The following ACTL8 variants were observed in gnomAD, a reference collection of about 807,000 sequenced individuals.
ACTL8 encodes actin like 8.
A neutral mutation model predicts 9.3 loss-of-function variants in ACTL8; 3 were observed. That is an observed-to-expected ratio of 0.32 (90% CI 0.15 to 0.83). The LOEUF (loss-of-function observed/expected upper bound fraction) is 0.83, where lower values mean the gene tolerates loss of function less well. Among genes scored for constraint, ACTL8 ranks in the 40% least tolerant of loss-of-function variants. The probability of loss-of-function intolerance (pLI) is 0.57; values close to 1 mark genes in which losing one functional copy is unlikely to be tolerated. For missense variants in ACTL8, 381 were observed against 492.2 expected (o/e 0.77, Z 2.14); for synonymous variants, 224 against 205.9 (o/e 1.09, Z -0.75).
intron 1 of ACTL8, among the ~76,000 whole-genome samples, chr1:17,795,810 G>A (rs1215610384): frequency 6.6e-6 from 1 of 152,194 alleles, no homozygotes; most frequent in African/African-American, 2.4e-5. Context: ...AGTTCGAGGT[G>A]GTGAGTGCAA....
chr1:17,779,828 G>A (rs2066142804), intron 1 of ACTL8, among the ~76,000 whole-genome samples: 1 of 152,196 alleles, frequency 6.6e-6, no homozygotes, highest in African/African-American at 2.4e-5. Flanking sequence ...CCTACCTGGA[G>A]TGGGTCTTCC....
At chr1:17,787,284 T>C (rs2066204593) in intron 1 of ACTL8, among the ~76,000 whole-genome samples, 1 of 152,012 alleles carries the variant, frequency 6.6e-6, no homozygotes, top group Admixed American at 6.6e-5. Flanking sequence ...TCTTTTTTTT[T>C]GAGACAGTCT....
chr1:17,792,082 A>G (rs1312449989), intron 1 of ACTL8, among the ~76,000 whole-genome samples: 1 of 152,174 alleles, frequency 6.6e-6, no homozygotes, highest in Non-Finnish European at 1.5e-5. Context: ...CTCAGTTCAA[A>G]GAAGAGGAGC....
intron 1 of ACTL8, among the ~76,000 whole-genome samples, chr1:17,762,220 G>A (rs575073840): frequency 2.2e-4 from 34 of 152,218 alleles, no homozygotes; most frequent in East Asian, 1.9e-3. Flanking sequence ...ATCCCAGAGA[G>A]TCCGAGCCTT....
At chr1:17,803,275 T>C (rs570533504) in intron 1 of ACTL8, among the ~76,000 whole-genome samples, 2 of 152,310 alleles carry the variant, frequency 1.3e-5, no homozygotes, top group East Asian at 3.9e-4. Context: ...CTTTCCACCA[T>C]GATTGTAAGT....
In ACTL8 at chr1:17,825,791, C is replaced by T. The variant is rs764664205; in HGVS notation, c.373C>T (p.Pro125Ser). ...GATCCTGTTTGAGTTGCTGCATGTCCCATCGGTCCTCCTGGCCGACCAGCT... is the reference window on the plus strand; with the variant it reads ...GATCCTGTTTGAGTTGCTGCATGTCTCATCGGTCCTCCTGGCCGACCAGCT... The part of the protein sequence containing the change: ...LEILFELLHV[P>S]SVLLADQLQM... Residue 125 changes from proline (P) to serine (S), a missense_variant, in exon 3 of 3, where the codon CCA (proline) becomes TCA (serine). Pro to Ser is a moderately conservative substitution (Grantham distance 74, BLOSUM62 -1). Coordinates refer to ENST00000375406, the MANE Select transcript of ACTL8 (RefSeq NM_030812.3). The T allele has an allele frequency of 6.2e-7, 1 of 1,613,606 alleles. No individual in the cohort carries two copies.
intron 1 of ACTL8, among the ~76,000 whole-genome samples, chr1:17,788,467 G>A (rs1325703746): frequency 6.6e-6 from 1 of 152,244 alleles, no homozygotes; most frequent in Non-Finnish European, 1.5e-5. Flanking sequence ...GAGCAGCCAG[G>A]CAGGGCCTGG....
intron 1 of ACTL8, among the ~76,000 whole-genome samples, chr1:17,805,377 C>CTTTTTTTTTTTTTTTT (rs56870755): frequency 3.0e-5 from 3 of 100,198 alleles, no homozygotes; most frequent in African/African-American, 4.5e-5. Context: ...TTTTCTTTTT[C>CTTTTTTTTTTTTTTTT]TTTTTTTTTT....
At chr1:17,790,125 T>C (rs2066228560) in intron 1 of ACTL8, among the ~76,000 whole-genome samples, 1 of 152,200 alleles carries the variant, frequency 6.6e-6, no homozygotes. Context: ...GGTCTGTGGC[T>C]GGACCAGGTG....
At chr1:17,777,363 A>T (rs1456512655) in intron 1 of ACTL8, among the ~76,000 whole-genome samples, 1 of 152,122 alleles carries the variant, frequency 6.6e-6, no homozygotes, top group South Asian at 2.1e-4. Context: ...TGGGTGGCAC[A>T]GCGCCCCTGA....
chr1:17,755,343 C>T lies in ACTL8; in HGVS notation c.-186C>T, dbSNP rs1340764277. 1 of 152,202 alleles carries T rather than the reference C, an allele frequency of 6.6e-6. No homozygotes were observed. The highest frequency in any genetic ancestry group is 1.5e-5 in the Non-Finnish European group (1 of 68,032). The allele number at this position is 152,202 out of a possible 1,614,324, so 9.4% of individuals were successfully genotyped here. On this transcript the variant is annotated 5_prime_UTR_variant, in exon 1 of 3. Transcript: ENST00000375406. ...GCTTGCCACGTGCTCACAGAGTAGG[C>T]TGCGGCACCACGTGCAGCCGCTCTC...
intron 1 of ACTL8, among the ~76,000 whole-genome samples, chr1:17,769,240 A>G (rs1569996772): frequency 1.3e-5 from 2 of 152,098 alleles, no homozygotes; most frequent in East Asian, 3.9e-4. Context: ...CAGTATCCCT[A>G]GAGCACATTG....
intron 1 of ACTL8, among the ~76,000 whole-genome samples, chr1:17,766,648 C>T (rs1459458932): frequency 6.6e-6 from 1 of 152,092 alleles, no homozygotes; most frequent in Non-Finnish European, 1.5e-5. Context: ...TGTGATTATC[C>T]CCACTTTACA....
In ACTL8 at chr1:17,826,688, A is replaced by G; in HGVS notation, c.*169A>G. On this transcript the variant is annotated 3_prime_UTR_variant, in exon 3 of 3. Transcript: ENST00000375406. This position sits in a 1 kb window ranked among gnomAD's most constrained non-coding sequence, Gnocchi z 4.5. ...AGGTTCTAAGGTTTTATCTTGTTGCAAGAGTGGGACCTACCCAAGGGGGAA... is the reference window on the plus strand; with the variant it reads ...AGGTTCTAAGGTTTTATCTTGTTGCGAGAGTGGGACCTACCCAAGGGGGAA... 1.6e-6 allele frequency: 1 copy of G among 639,882 alleles called. No individual in the cohort carries two copies. Among genetic ancestry groups the G allele is most frequent in the Non-Finnish European group, 2.4e-6 (1 of 415,308 alleles). The allele number at this position is 639,882 out of a possible 1,614,324, so 39.6% of individuals were successfully genotyped here.
In ACTL8 at chr1:17,793,146, G is replaced by T. The variant is rs558392516; in HGVS notation, c.-24-29839G>T. 2.4e-4 allele frequency among the ~76,000 whole-genome samples: 37 copies of T among 152,324 alleles called. No homozygotes were observed. In the South Asian group the frequency reaches 5.0e-3, roughly 20 times the overall value. On this transcript the variant is annotated intron_variant, in intron 1 of 2. Coordinates refer to ENST00000375406, the MANE Select transcript of ACTL8 (RefSeq NM_030812.3). ...GACAACAGATGCCGGCCTGGGAATG[G>T]AACAGCATTTCCTAAGCAAGGGCTG...
chr1:17,809,653 A>C (rs988983103), intron 1 of ACTL8, among the ~76,000 whole-genome samples: 2 of 151,906 alleles, frequency 1.3e-5, no homozygotes, highest in Non-Finnish European at 2.9e-5. Context: ...TGAACTGTGC[A>C]TGTGAGGGAT....
intron 1 of ACTL8, among the ~76,000 whole-genome samples, chr1:17,779,745 C>T (rs567723500): frequency 3.9e-5 from 6 of 152,286 alleles, no homozygotes; most frequent in Admixed American, 2.6e-4. Flanking sequence ...AGACGTCCCG[C>T]TGCTTTTTAA....
At chr1:17,795,230 G>A (rs2066268274) in intron 1 of ACTL8, among the ~76,000 whole-genome samples, 1 of 152,200 alleles carries the variant, frequency 6.6e-6, no homozygotes, top group African/African-American at 2.4e-5. Context: ...TCAGAAGGGA[G>A]GGCAAAGCAA....
chr1:17,825,630 A>G, intron 2 of ACTL8, 137 bp from the exon 3 acceptor site: 2 of 1,145,238 alleles, frequency 1.7e-6, no homozygotes, highest in South Asian at 3.2e-5. Context: ...CTCACTGCAT[A>G]AGCTCCAGGG....
Sources: allele counts gnomAD v4.1 joint callset (sites outside exome capture counted in the v4.1 genomes callset), GRCh38; gene constraint gnomAD v4.1.1; non-coding constraint Gnocchi (gnomAD v3.1); transcripts MANE v1.5; gene names NCBI Gene and HGNC (gene_info 2026-07-23, HGNC 2026-07-21).